GADL1: variants seen among roughly 807,000 people sequenced by gnomAD.
The protein encoded by GADL1 is GAD like acidic amino acid decarboxylase 1, also known as acidic amino acid decarboxylase GADL1.
A neutral mutation model predicts 69.5 loss-of-function variants in GADL1; 71 were observed. The ratio of observed to expected loss-of-function variants is 1.02; its 90% CI spans 0.84 to 1.25. The LOEUF is 1.25. Among genes scored for constraint, GADL1 ranks in the 50% most tolerant of loss-of-function variants. The pLI is 0.00. For missense variants in GADL1, 737 were observed against 631.8 expected, an observed-to-expected ratio of 1.17 and a Z score of -1.79; for synonymous variants, 254 against 214.4, an observed-to-expected ratio of 1.18 and a Z score of -1.62.
In GADL1 at chr3:30,834,286, TGA is replaced by T. The variant is rs780904752; in HGVS notation, c.904-7_904-6del. On this transcript the variant is annotated splice_region_variant and splice_polypyrimidine_tract_variant and intron_variant, in intron 9 of 14. Coordinates refer to ENST00000282538, the MANE Select transcript of GADL1 (RefSeq NM_207359.3). The stretch of plus-strand genomic sequence containing the variant: ...AGCTGAGCCACCCCAAGAAGCCTGT[TGA>T]GATATTTACAGTACCAGAACAATGT... 9.3e-6 allele frequency: 15 copies of T among 1,609,296 alleles called. No homozygotes were observed. The highest frequency in any genetic ancestry group is 2.2e-5 in the East Asian group (1 of 44,800).
intron 6 of GADL1, among the ~76,000 whole-genome samples, chr3:30,846,008 A>T (rs557651349): frequency 6.6e-6 from 1 of 151,986 alleles, no homozygotes; most frequent in East Asian, 1.9e-4. Flanking sequence ...ATCTTTAAGT[A>T]CCTGAGGGCA....
At chr3:30,751,108 G>A (rs1695803880) in intron 14 of GADL1, among the ~76,000 whole-genome samples, 1 of 149,776 alleles carries the variant, frequency 6.7e-6, no homozygotes, top group Non-Finnish European at 1.5e-5. Flanking sequence ...GCCAGTTCTA[G>A]GCAAGATTGG....
chr3:30,813,427 G>T (rs1439578303), intron 11 of GADL1, among the ~76,000 whole-genome samples: 1 of 152,196 alleles, frequency 6.6e-6, no homozygotes, highest in African/African-American at 2.4e-5. Context: ...CAGACACAGA[G>T]TGAGTGTTCT....
chr3:30,729,151 AC>A (rs1695416135), intron 14 of GADL1, among the ~76,000 whole-genome samples: 3 of 152,196 alleles, frequency 2.0e-5, no homozygotes, highest in African/African-American at 7.2e-5. Context: ...TAATCCAGAT[AC>A]ACAGATTTTT....
intron 14 of GADL1, among the ~76,000 whole-genome samples, chr3:30,751,184 T>A (rs1695806233): frequency 6.6e-6 from 1 of 152,026 alleles, no homozygotes; most frequent in Non-Finnish European, 1.5e-5. Flanking sequence ...CAGCCTCTGA[T>A]TGAGGGCCAA....
At chr3:30,757,690 G>C (rs1261573816) in intron 14 of GADL1, among the ~76,000 whole-genome samples, 1 of 151,936 alleles carries the variant, frequency 6.6e-6, no homozygotes, top group Non-Finnish European at 1.5e-5. Flanking sequence ...ATAGTTCTTG[G>C]GATTAGTAGA....
At chr3:30,802,222 A>G (rs1697178998) in intron 11 of GADL1, among the ~76,000 whole-genome samples, 1 of 152,132 alleles carries the variant, frequency 6.6e-6, no homozygotes, top group Non-Finnish European at 1.5e-5. Context: ...TCCGCATGCA[A>G]TGAGCAGTCA....
chr3:30,861,377 C>A (rs1227621492), intron 2 of GADL1, among the ~76,000 whole-genome samples: 1 of 151,516 alleles, frequency 6.6e-6, no homozygotes, highest in African/African-American at 2.4e-5. Flanking sequence ...AATCTTCCCA[C>A]GAATGATGAC....
At chr3:30,756,314 T>C (rs1364794562) in intron 14 of GADL1, among the ~76,000 whole-genome samples, 1 of 152,148 alleles carries the variant, frequency 6.6e-6, no homozygotes, top group African/African-American at 2.4e-5. Context: ...AGAAGGAAAT[T>C]GACTATCTAG....
intron 14 of GADL1, among the ~76,000 whole-genome samples, chr3:30,744,687 C>A (rs193003978): frequency 1.4e-3 from 220 of 152,242 alleles, no homozygotes; most frequent in Non-Finnish European, 2.4e-3. Context: ...GCACTCCAGC[C>A]TGGGCAATAG....
chr3:30,789,550 A>T (rs1283460459), intron 12 of GADL1, among the ~76,000 whole-genome samples: 1 of 152,210 alleles, frequency 6.6e-6, no homozygotes, highest in Admixed American at 6.5e-5. Flanking sequence ...AGCTTTGAAG[A>T]CGGGCATTGA....
chr3:30,787,044 CAG>C (rs1420454861), intron 12 of GADL1, among the ~76,000 whole-genome samples: 1 of 151,996 alleles, frequency 6.6e-6, no homozygotes, highest in African/African-American at 2.4e-5. Flanking sequence ...TAGGGCCTGT[CAG>C]GGGAGGATGA....
chr3:30,817,934 T>C (rs1234697785), intron 11 of GADL1, among the ~76,000 whole-genome samples: 1 of 152,234 alleles, frequency 6.6e-6, no homozygotes, highest in Non-Finnish European at 1.5e-5. Flanking sequence ...CTGTGATAAC[T>C]GCTATGGAAC....
intron 1 of GADL1, among the ~76,000 whole-genome samples, chr3:30,879,508 AT>A (rs1284391086): frequency 9.2e-5 from 14 of 151,866 alleles, no homozygotes; most frequent in African/African-American, 3.4e-4. Context: ...CTGCAAGGTG[AT>A]CTCCTCCAAG....
intron 11 of GADL1, among the ~76,000 whole-genome samples, chr3:30,802,763 A>G (rs1697188038): frequency 6.6e-6 from 1 of 152,204 alleles, no homozygotes; most frequent in Non-Finnish European, 1.5e-5. Flanking sequence ...ATAACCAAGA[A>G]TTACAATATG....
intron 1 of GADL1, among the ~76,000 whole-genome samples, chr3:30,892,103 A>T (rs1698795450): frequency 6.6e-6 from 1 of 152,222 alleles, no homozygotes; most frequent in Admixed American, 6.5e-5. Context: ...AGTCTGAAGA[A>T]TCATTCATTT....
intron 11 of GADL1, among the ~76,000 whole-genome samples, chr3:30,812,155 C>T (rs150312780): frequency 6.6e-6 from 1 of 152,054 alleles, no homozygotes; most frequent in Non-Finnish European, 1.5e-5. Context: ...TCCGTGCAAC[C>T]CAAAGAGAAT....
chr3:30,876,622 C>T (rs1404807641), intron 1 of GADL1, among the ~76,000 whole-genome samples: 1 of 151,920 alleles, frequency 6.6e-6, no homozygotes, highest in Non-Finnish European at 1.5e-5. Flanking sequence ...CATGCACAGG[C>T]TCTCTAATTT....
At chr3:30,848,378 A>AGTGGTCATATT (rs1220978902) in intron 6 of GADL1, among the ~76,000 whole-genome samples, 1 of 152,168 alleles carries the variant, frequency 6.6e-6, no homozygotes, top group African/African-American at 2.4e-5. Flanking sequence ...AAAACATGAG[A>AGTGGTCATATT]GTGGTCATAT....
Sources: gnomAD v4.1 joint callset for allele counts (sites outside exome capture counted in the v4.1 genomes callset) on GRCh38, gnomAD v4.1.1 for gene constraint, MANE v1.5 for transcripts, NCBI Gene and HGNC (gene_info 2026-07-23, HGNC 2026-07-21) for gene names.